PTPN22: variants seen among roughly 807,000 people sequenced by gnomAD.
PTPN22 encodes the protein tyrosine-protein phosphatase non-receptor type 22.
Under a neutral mutation model 103.3 loss-of-function variants are expected in PTPN22, and 85 were observed. That is an observed-to-expected ratio of 0.82 (90% CI 0.69 to 0.99). PTPN22 has a LOEUF of 0.99. Ranked by LOEUF, PTPN22 falls within the 50% of genes least tolerant of loss-of-function variation. The pLI, the probability that PTPN22 is intolerant of heterozygous loss-of-function variation, is 0.00. For missense variants in PTPN22, 865 were observed against 936.9 expected (o/e 0.92, Z 1.00); for synonymous variants, 323 against 310.2 (o/e 1.04, Z -0.43).
chr1:113,852,983 G>A (rs1012604335), intron 9 of PTPN22, among the ~76,000 whole-genome samples: 1 of 152,152 alleles, frequency 6.6e-6, no homozygotes, highest in Non-Finnish European at 1.5e-5. Context: ...TTGCTGCCCA[G>A]GCTGGAGTGC....
At chr1:113,837,916 G>A in exon 13 of PTPN22, 1 of 1,614,096 alleles carries the variant, frequency 6.2e-7, no homozygotes, top group Non-Finnish European at 8.5e-7. Context: ...ATTCAGTTCT[G>A]CTGAAGAAAC....
exon 15 of PTPN22, chr1:113,834,402 TGAG>T (rs1388669121): frequency 6.2e-7 from 1 of 1,613,350 alleles, no homozygotes; most frequent in East Asian, 2.2e-5. Flanking sequence ...CCTTCACAGC[TGAG>T]GATAAGGATT....
intron 10 of PTPN22, among the ~76,000 whole-genome samples, chr1:113,851,426 T>C (rs1571426918): frequency 6.6e-6 from 1 of 152,192 alleles, no homozygotes; most frequent in Non-Finnish European, 1.5e-5. Flanking sequence ...AGTGCTGGGA[T>C]TACAGGTGTC....
intron 11 of PTPN22, among the ~76,000 whole-genome samples, chr1:113,846,890 G>A (rs1441191133): frequency 6.6e-6 from 1 of 150,720 alleles, no homozygotes; most frequent in Non-Finnish European, 1.5e-5. Context: ...AAACTTTTTT[G>A]TCGTTTTTTG....
Position 113,833,146 on chromosome 1 carries a change from A to G in PTPN22, c.2026-8T>C. 2 of 1,545,768 alleles carry G rather than the reference A, an allele frequency of 1.3e-6. No homozygotes were observed. The highest frequency in any genetic ancestry group is 1.8e-6 in the Non-Finnish European group (2 of 1,131,704). On this transcript the variant is annotated splice_polypyrimidine_tract_variant and splice_region_variant and intron_variant, in intron 15 of 20. Coordinates refer to ENST00000359785, the Ensembl canonical transcript of PTPN22. Reference sequence around the variant, plus strand: ...ACTTCGGAGTTTTACACTCTAAAAGAAAAAAAGAAAGGAAAAGTGAAAGAA... The same window carrying G: ...ACTTCGGAGTTTTACACTCTAAAAGGAAAAAAGAAAGGAAAAGTGAAAGAA...
intron 1 of PTPN22, 30 bp downstream of exon 1, chr1:113,871,507 T>TG: frequency 6.3e-7 from 1 of 1,584,604 alleles, no homozygotes; most frequent in East Asian, 2.2e-5. Context: ...TGTATGTAAC[T>TG]ACCCTGAGAG....
chr1:113,837,697 G>A, exon 13 of PTPN22: 4 of 1,605,078 alleles, frequency 2.5e-6, no homozygotes, highest in Non-Finnish European at 2.6e-6. Flanking sequence ...AGAGGATGTT[G>A]GCAACAGAGA....
chr1:113,841,471 C>A (rs1002355297), intron 11 of PTPN22, among the ~76,000 whole-genome samples: 5 of 151,990 alleles, frequency 3.3e-5, no homozygotes, highest in Admixed American at 1.3e-4. Context: ...CACCAAAGGA[C>A]ACAAAGGCAA....
At chr1:113,849,882 T>C (rs1433408529) in intron 10 of PTPN22, among the ~76,000 whole-genome samples, 1 of 151,798 alleles carries the variant, frequency 6.6e-6, no homozygotes, top group Non-Finnish European at 1.5e-5. Flanking sequence ...AGCCACCACA[T>C]CTGGCTAATT....
chr1:113,849,719 G>A (rs1664395141), intron 10 of PTPN22, among the ~76,000 whole-genome samples: 1 of 151,548 alleles, frequency 6.6e-6, no homozygotes, highest in Non-Finnish European at 1.5e-5. Context: ...TCCCAAGTAA[G>A]TCGGGACTGC....
Position 113,837,514 on chromosome 1 carries a change from G to C in PTPN22, c.1810+76C>G, listed in dbSNP as rs1400083298. On this transcript the variant is annotated intron_variant, in intron 13 of 20. Coordinates refer to ENST00000359785, the Ensembl canonical transcript of PTPN22. ...AGAAGAAGCAGAGGAGAAGAGGGAA[G>C]AGGAGAAGAAACCAACTATTCTATA... The C allele has an allele frequency of 5.0e-6, 5 of 1,006,682 alleles. No homozygotes were observed. The South Asian group carries it at 6.7e-5, about 13-fold the overall frequency. The allele number at this position is 1,006,682 out of a possible 1,614,324, so 62.4% of individuals were successfully genotyped here. A position where few individuals can be genotyped will look rare whatever the true frequency, so the allele number is the denominator to read the frequency against.
chr1:113,828,291 C>T (rs1327786623), intron 18 of PTPN22, among the ~76,000 whole-genome samples: 1 of 152,012 alleles, frequency 6.6e-6, no homozygotes. Flanking sequence ...TTATGGCCTC[C>T]GGATTTTGAG....
intron 10 of PTPN22, 40 bp from the exon 11 acceptor site, chr1:113,848,666 C>T: frequency 6.3e-7 from 1 of 1,574,842 alleles, no homozygotes; most frequent in South Asian, 1.2e-5. Context: ...AAAACAAAAA[C>T]AAAAAAATTG....
chr1:113,856,726 T>C lies in PTPN22; in HGVS notation c.409-107A>G, dbSNP rs1037957589. The C allele has an allele frequency of 1.4e-5, 20 of 1,459,328 alleles. No individual in the cohort carries two copies. The African/African-American group carries it at 2.8e-4, about 20-fold the overall frequency. The allele number at this position is 1,459,328 out of a possible 1,614,324, so 90.4% of individuals were successfully genotyped here. On this transcript the variant is annotated intron_variant, in intron 5 of 20. Coordinates refer to ENST00000359785, the Ensembl canonical transcript of PTPN22. ...TCTATGTCCTTCACCTTAGGTTAGG[T>C]GCGTCTAACCCCTTTGGGCTTCAAC...
At chr1:113,835,683 C>T (rs750252269) in intron 13 of PTPN22, among the ~76,000 whole-genome samples, 31 of 152,170 alleles carry the variant, frequency 2.0e-4, no homozygotes, top group Admixed American at 4.6e-4. Flanking sequence ...TTATAAAGTG[C>T]TTTGACGTGT....
intron 13 of PTPN22, among the ~76,000 whole-genome samples, chr1:113,835,929 T>G (rs1435195257): frequency 1.1e-5 from 1 of 91,106 alleles, no homozygotes; most frequent in Non-Finnish European, 2.2e-5. Context: ...AGGGTATGTT[T>G]TTATTAATTA....
intron 11 of PTPN22, among the ~76,000 whole-genome samples, chr1:113,839,387 CT>C (rs142785673): frequency 1.6e-3 from 230 of 144,270 alleles, no homozygotes; most frequent in East Asian, 4.1e-3. Flanking sequence ...TGGCCTCAAT[CT>C]TTTTTTTTTT....
intron 1 of PTPN22, among the ~76,000 whole-genome samples, chr1:113,868,182 A>G (rs574785575): frequency 1.2e-4 from 19 of 152,220 alleles, no homozygotes; most frequent in Non-Finnish European, 2.4e-4. Context: ...TGTTCTCTGT[A>G]CAAAGATGTA....
intron 10 of PTPN22, among the ~76,000 whole-genome samples, chr1:113,849,985 G>A (rs1347228843): frequency 1.3e-5 from 2 of 151,860 alleles, no homozygotes; most frequent in Non-Finnish European, 2.9e-5. Flanking sequence ...CACGAAATCA[G>A]GAGTTCAAGA....
Sources: allele counts gnomAD v4.1 joint callset (sites outside exome capture counted in the v4.1 genomes callset), GRCh38; gene constraint gnomAD v4.1.1; transcripts MANE v1.5; gene names NCBI Gene and HGNC (gene_info 2026-07-23, HGNC 2026-07-21).